Variants in ZFAT observed in about 807,000 individuals in gnomAD.
ZFAT encodes the protein zinc finger and AT-hook domain containing, also known as zinc finger protein ZFAT.
ZFAT carries 64 observed loss-of-function variants against 117.7 expected under a neutral mutation model. That is an observed-to-expected ratio of 0.54 (90% CI 0.44 to 0.67). ZFAT has a LOEUF of 0.67. Ranked by LOEUF, ZFAT falls within the 30% of genes least tolerant of loss-of-function variation. The pLI is 0.00. For missense variants in ZFAT, 1,433 were observed against 1,584.5 expected (o/e 0.90, Z 1.62); for synonymous variants, 679 against 615.0 (o/e 1.10, Z -1.54).
At chr8:134,532,705 T>C in intron 12 of ZFAT, 129 bp downstream of exon 12, 3 of 1,254,530 alleles carry the variant, frequency 2.4e-6, no homozygotes, top group Middle Eastern at 2.8e-4. Context: ...ATTAGGACGA[T>C]GAAGAATGAA....
chr8:134,621,061 G>A (rs1006556904), intron 3 of ZFAT, among the ~76,000 whole-genome samples: 20 of 151,632 alleles, frequency 1.3e-4, no homozygotes, highest in African/African-American at 4.9e-5. Flanking sequence ...TCTTCACTGA[G>A]CTCTAGAAAA....
the ZFAT span, among the ~76,000 whole-genome samples, chr8:134,718,179 GT>G: frequency 6.6e-6 from 1 of 152,180 alleles, no homozygotes. Flanking sequence ...AAAGTTTTAA[GT>G]TTTGATTTAT....
At chr8:134,699,915 C>T (rs993046676) in intron 1 of ZFAT, among the ~76,000 whole-genome samples, 3 of 152,186 alleles carry the variant, frequency 2.0e-5, no homozygotes, top group South Asian at 2.1e-4. Context: ...AAGGCTGGCA[C>T]GCACCCGTGG....
chr8:134,565,736 T>G (rs534748853), intron 10 of ZFAT: 43 of 427,694 alleles, frequency 1.0e-4, no homozygotes, highest in African/African-American at 6.7e-4. Flanking sequence ...GAGAAGGGCA[T>G]CAAGGGAGAG....
intron 11 of ZFAT, among the ~76,000 whole-genome samples, chr8:134,562,770 T>C (rs982686148): frequency 6.6e-6 from 1 of 152,216 alleles, no homozygotes. Flanking sequence ...ATGTGAGTGA[T>C]TCCTTAACTG....
chr8:134,754,952 A>C, the ZFAT span, among the ~76,000 whole-genome samples: 15 of 152,324 alleles, frequency 9.8e-5, no homozygotes, highest in African/African-American at 3.6e-4. Flanking sequence ...GAGATGGAGA[A>C]AGCGGGTCTC....
rs145163525 is a variant in ZFAT at position 134,568,481 on chromosome 8, G to A, written c.2888-3060C>T. Among the ~76,000 whole-genome samples, 1,145 of 152,332 alleles carry A rather than the reference G, an allele frequency of 7.5e-3. 17 individuals carry two copies. The highest frequency in any genetic ancestry group is 0.025 in the African/African-American group (1,048 of 41,570). ...CTGTGCTGTGTTCTTCACCACTAGA[G>A]TGGGGGAAGCAGAGCTGATGGAACC... is the stretch of plus-strand genomic sequence containing the variant. On this transcript the variant is annotated intron_variant, in intron 10 of 15. Transcript: ENST00000377838.
Position 134,653,111 on chromosome 8 carries a change from T to C in ZFAT, c.196+4450A>G, listed in dbSNP as rs569065914. Among the ~76,000 whole-genome samples, 10 of 150,982 alleles carry C rather than the reference T, an allele frequency of 6.6e-5. No individual in the cohort carries two copies. The South Asian group carries it at 2.1e-3, about 32-fold the overall frequency. On this transcript the variant is annotated intron_variant, in intron 2 of 15. Transcript: ENST00000377838. ...AGGACATACAAATAATACAGTATTG[T>C]GTACTTAACATTTGCTAAAAGAGAA...
intron 8 of ZFAT, among the ~76,000 whole-genome samples, chr8:134,589,326 A>C (rs1482190999): frequency 1.3e-5 from 2 of 152,256 alleles, no homozygotes; most frequent in Admixed American, 6.5e-5. Context: ...AACTCTGTCC[A>C]TTCCCAGCTG....
At chr8:134,777,566 C>T in the ZFAT span, among the ~76,000 whole-genome samples, 1 of 151,980 alleles carries the variant, frequency 6.6e-6, no homozygotes, top group Non-Finnish European at 1.5e-5. Context: ...TGAGATACCT[C>T]ATGAAAAAAA....
At chr8:134,480,767 TGGCATTGGGTGG>T (rs1817246544) in intron 15 of ZFAT, among the ~76,000 whole-genome samples, 2 of 152,184 alleles carry the variant, frequency 1.3e-5, no homozygotes, top group Non-Finnish European at 2.9e-5. Context: ...GCCTGCAAAT[TGGCATTGGGTGG>T]CCTTCTACTC....
chr8:134,790,805 A>G, the ZFAT span, among the ~76,000 whole-genome samples: 3 of 152,128 alleles, frequency 2.0e-5, no homozygotes, highest in East Asian at 5.8e-4. Flanking sequence ...ACTTGAGCCC[A>G]GGAGTTCGAG....
chr8:134,672,949 G>A (rs1832630107), intron 1 of ZFAT, among the ~76,000 whole-genome samples: 1 of 152,074 alleles, frequency 6.6e-6, no homozygotes. Context: ...AAGAAGAAGG[G>A]AAAGTATAAA....
At chr8:134,659,766 G>C (rs1438381065) in intron 1 of ZFAT, among the ~76,000 whole-genome samples, 2 of 152,174 alleles carry the variant, frequency 1.3e-5, no homozygotes, top group Non-Finnish European at 2.9e-5. Flanking sequence ...CCAGAAAGAG[G>C]AAATGAGGAA....
At chr8:134,589,945 G>T (rs1826339535) in intron 8 of ZFAT, among the ~76,000 whole-genome samples, 1 of 152,092 alleles carries the variant, frequency 6.6e-6, no homozygotes, top group Non-Finnish European at 1.5e-5. Context: ...CACCACTCTG[G>T]GTAACACAAG....
intron 13 of ZFAT, among the ~76,000 whole-genome samples, chr8:134,518,671 AT>A (rs1218507984): frequency 2.0e-5 from 3 of 151,748 alleles, no homozygotes; most frequent in Non-Finnish European, 4.4e-5. Context: ...TTTTTTCTAT[AT>A]AAAAAAATAT....
At chr8:134,552,223 T>A (rs1203566070) in intron 11 of ZFAT, among the ~76,000 whole-genome samples, 1 of 152,038 alleles carries the variant, frequency 6.6e-6, no homozygotes, top group African/African-American at 2.4e-5. Context: ...TCATGGTGCC[T>A]GACACAGAAG....
chr8:134,818,013 T>C, the ZFAT span, among the ~76,000 whole-genome samples: 3 of 152,198 alleles, frequency 2.0e-5, no homozygotes, highest in Non-Finnish European at 4.4e-5. Flanking sequence ...TGGATCACTA[T>C]ATTTAGATAG....
At position 134,550,798 on chromosome 8, in the gene ZFAT, C is replaced by A. The variant is rs562389458; in HGVS notation, c.2976+14535G>T. On this transcript the variant is annotated intron_variant, in intron 11 of 15. Transcript: ENST00000377838. ...CATTTCAAACCAATTTAACAAATGG[C>A]CCCTGTTACCACCACCACATGGCCC... Among the ~76,000 whole-genome samples, 98 of 152,242 alleles carry A rather than the reference C, an allele frequency of 6.4e-4. No homozygotes were observed. The Middle Eastern group carries it at 0.01, about 16-fold the overall frequency.
Sources: allele counts gnomAD v4.1 joint callset (sites outside exome capture counted in the v4.1 genomes callset), GRCh38; gene constraint gnomAD v4.1.1; transcripts MANE v1.5; gene names NCBI Gene and HGNC (gene_info 2026-07-23, HGNC 2026-07-21).